Variants in ADGRL2 observed in about 807,000 individuals in gnomAD.
ADGRL2 encodes the protein calcium-independent alpha-latrotoxin receptor 2.
ADGRL2 carries 44 observed loss-of-function variants against 157.4 expected under a neutral mutation model. The ratio of observed to expected loss-of-function variants is 0.28; its 90% CI spans 0.22 to 0.36. ADGRL2 has a LOEUF of 0.36. ADGRL2 is among the 10% of genes least tolerant of loss of function. The pLI, the probability that ADGRL2 is intolerant of heterozygous loss-of-function variation, is 1.00. For synonymous variants in ADGRL2, 585 were observed against 624.7 expected, an observed-to-expected ratio of 0.94 and a Z score of 0.95; for missense variants, 1,510 against 1,768.9, an observed-to-expected ratio of 0.85 and a Z score of 2.63.
intron 2 of ADGRL2, among the ~76,000 whole-genome samples, chr1:81,573,521 A>G (rs545864121): frequency 6.6e-6 from 1 of 152,276 alleles, no homozygotes; most frequent in Admixed American, 6.5e-5. Flanking sequence ...TACTATTGCA[A>G]TAGTATTTTA....
chr1:81,557,153 C>T (rs1168492174), intron 2 of ADGRL2: 3 of 174,378 alleles, frequency 1.7e-5, no homozygotes, highest in South Asian at 1.6e-4. Context: ...TGTTGGCAGA[C>T]GCCTCCTCAA....
At chr1:81,875,979 A>C (rs1399054080) in intron 2 of ADGRL2, among the ~76,000 whole-genome samples, 1 of 152,168 alleles carries the variant, frequency 6.6e-6, no homozygotes, top group Non-Finnish European at 1.5e-5. Flanking sequence ...ACTGTATAAA[A>C]AGTGCTTGTA....
intron 2 of ADGRL2, among the ~76,000 whole-genome samples, chr1:81,466,658 ATC>A (rs71641269): frequency 0.044 from 5,187 of 117,990 alleles, 200 homozygotes; most frequent in African/African-American, 0.12. Context: ...GACATATAAC[ATC>A]TCTCTCTCTC....
intron 1 of ADGRL2, chr1:81,721,543 C>A: frequency 2.4e-6 from 1 of 414,396 alleles, no homozygotes; most frequent in Non-Finnish European, 4.4e-6. Flanking sequence ...ATCTCTTGAG[C>A]CCAGGAGTTC....
intron 3 of ADGRL2, among the ~76,000 whole-genome samples, chr1:81,666,298 A>G (rs1195006627): frequency 4.6e-5 from 7 of 152,196 alleles, no homozygotes; most frequent in Admixed American, 4.6e-4. Context: ...GTCAACTCCA[A>G]TGAAGTGGTT....
At chr1:81,770,089 A>G (rs1206547867) in intron 2 of ADGRL2, among the ~76,000 whole-genome samples, 2 of 148,044 alleles carry the variant, frequency 1.4e-5, no homozygotes, top group East Asian at 4.1e-4. Flanking sequence ...TCCTGACCTC[A>G]GGTGGTCCAC....
At chr1:81,374,938 T>C (rs2076224059) in intron 1 of ADGRL2, among the ~76,000 whole-genome samples, 2 of 152,328 alleles carry the variant, frequency 1.3e-5, no homozygotes, top group South Asian at 4.1e-4. Flanking sequence ...GAGTCCAGGA[T>C]GGCCCTCCTT....
At chr1:81,847,724 C>T (rs1186340106) in intron 2 of ADGRL2, among the ~76,000 whole-genome samples, 1 of 151,888 alleles carries the variant, frequency 6.6e-6, no homozygotes, top group Non-Finnish European at 1.5e-5. Flanking sequence ...CCCTATTGAT[C>T]TGTCATACTT....
chr1:81,671,348 T>C (rs1260411783), intron 3 of ADGRL2, among the ~76,000 whole-genome samples: 1 of 152,162 alleles, frequency 6.6e-6, no homozygotes, highest in Non-Finnish European at 1.5e-5. Flanking sequence ...TTCATAAAGA[T>C]TTTAAATTAA....
intron 3 of ADGRL2, among the ~76,000 whole-genome samples, chr1:81,637,854 C>T (rs2148788003): frequency 6.6e-6 from 1 of 151,674 alleles, no homozygotes; most frequent in African/African-American, 2.4e-5. Flanking sequence ...TTCAGCGTAC[C>T]ATACACCTAG....
At chr1:81,856,345 A>C (rs2093201792) in intron 2 of ADGRL2, among the ~76,000 whole-genome samples, 1 of 152,100 alleles carries the variant, frequency 6.6e-6, no homozygotes, top group Non-Finnish European at 1.5e-5. Context: ...GAATTGCTTC[A>C]TGTTTCCCAG....
intron 3 of ADGRL2, among the ~76,000 whole-genome samples, chr1:81,635,752 T>C (rs1346545839): frequency 6.6e-6 from 1 of 152,172 alleles, no homozygotes; most frequent in Non-Finnish European, 1.5e-5. Context: ...AAGATTTCAA[T>C]GTGTGGATTT....
intron 3 of ADGRL2, among the ~76,000 whole-genome samples, chr1:81,643,232 A>G (rs2148811651): frequency 6.6e-6 from 1 of 152,356 alleles, no homozygotes; most frequent in South Asian, 2.1e-4. Context: ...AAGTGATTAT[A>G]GCAGGGTTGT....
chr1:81,569,366 AG>A (rs1395497956), intron 2 of ADGRL2, among the ~76,000 whole-genome samples: 1 of 152,204 alleles, frequency 6.6e-6, no homozygotes, highest in African/African-American at 2.4e-5. Context: ...CATCCATACT[AG>A]TTATCTATTG....
intron 3 of ADGRL2, among the ~76,000 whole-genome samples, chr1:81,644,749 T>C (rs1343876148): frequency 1.3e-5 from 2 of 152,200 alleles, no homozygotes; most frequent in Non-Finnish European, 2.9e-5. Flanking sequence ...TTGTAACAAA[T>C]GTACCACACT....
intron 1 of ADGRL2, among the ~76,000 whole-genome samples, chr1:81,729,168 TC>T (rs1222972140): frequency 6.6e-6 from 1 of 151,374 alleles, no homozygotes; most frequent in Non-Finnish European, 1.5e-5. Flanking sequence ...CTTCCAGCCA[TC>T]ATTTAAAAGT....
chr1:81,849,326 A>ATATT (rs1291226100), intron 2 of ADGRL2, among the ~76,000 whole-genome samples: 2 of 151,948 alleles, frequency 1.3e-5, no homozygotes, highest in Non-Finnish European at 2.9e-5. Flanking sequence ...AGAACAAAGC[A>ATATT]TATTTAAAAG....
chr1:81,650,013 T>G (rs2082382295), intron 3 of ADGRL2, among the ~76,000 whole-genome samples: 3 of 151,768 alleles, frequency 2.0e-5, no homozygotes, highest in Admixed American at 1.3e-4. Flanking sequence ...ATACCAAGTT[T>G]GTGGGGTTAT....
intron 1 of ADGRL2, among the ~76,000 whole-genome samples, chr1:81,423,237 A>G (rs1054886012): frequency 6.6e-6 from 1 of 152,238 alleles, no homozygotes; most frequent in African/African-American, 2.4e-5. Flanking sequence ...CCTATGGGAT[A>G]TGGTTATCCC....
Sources: allele counts gnomAD v4.1 joint callset (sites outside exome capture counted in the v4.1 genomes callset), GRCh38; gene constraint gnomAD v4.1.1; transcripts MANE v1.5; gene names NCBI Gene and HGNC (gene_info 2026-07-23, HGNC 2026-07-21).